Variants in GDA observed in about 807,000 individuals in gnomAD.
GDA encodes the protein guanine deaminase.
GDA carries 18 observed loss-of-function variants against 59.6 expected under a neutral mutation model. The observed-to-expected ratio is 0.30, with a 90% confidence interval of 0.21 to 0.45. GDA has a LOEUF of 0.45. GDA is among the 20% of genes least tolerant of loss of function. The pLI, the probability that GDA is intolerant of heterozygous loss-of-function variation, is 1.00. For missense variants in GDA, 427 were observed against 552.3 expected (o/e 0.77, Z 2.27); for synonymous variants, 201 against 201.1 (o/e 1.00, Z 0.00).
At chr9:72,246,293 G>A (rs180946522) in intron 12 of GDA, among the ~76,000 whole-genome samples, 44 of 152,146 alleles carry the variant, frequency 2.9e-4, no homozygotes, top group Non-Finnish European at 4.3e-4. Flanking sequence ...GATTACAGGC[G>A]CCCACCACCA....
intron 1 of GDA, among the ~76,000 whole-genome samples, chr9:72,133,261 G>T (rs1826088076): frequency 7.5e-6 from 1 of 132,540 alleles, no homozygotes; most frequent in South Asian, 2.4e-4. Flanking sequence ...CTGCACTCCA[G>T]CCAGGTGACA....
intron 1 of GDA, among the ~76,000 whole-genome samples, chr9:72,151,019 C>T (rs1827139955): frequency 6.6e-6 from 1 of 152,158 alleles, no homozygotes; most frequent in African/African-American, 2.4e-5. Context: ...AGCTGTTCAA[C>T]TCTTGGGTTT....
intron 9 of GDA, chr9:72,228,759 G>C (rs1420058119): frequency 2.0e-5 from 3 of 152,210 alleles, no homozygotes; most frequent in Non-Finnish European, 2.9e-5. Flanking sequence ...ATGGTGGCAG[G>C]CACCTGTAAT....
At chr9:72,116,531 C>T (rs149640059) in intron 1 of GDA, among the ~76,000 whole-genome samples, 137 of 151,730 alleles carry the variant, frequency 9.0e-4, no homozygotes, top group African/African-American at 3.0e-3. Flanking sequence ...TACAGGTGTG[C>T]GCCACCATGC....
At chr9:72,222,934 C>T (rs186467643) in intron 6 of GDA, among the ~76,000 whole-genome samples, 186 bp from the exon 7 acceptor site, 10 of 152,208 alleles carry the variant, frequency 6.6e-5, no homozygotes, top group East Asian at 1.9e-4. Flanking sequence ...CTCGAACTCC[C>T]GGCCCTCAGG....
chr9:72,259,746 C>T (rs1723821981), downstream of GDA, among the ~76,000 whole-genome samples: 2 of 152,136 alleles, frequency 1.3e-5, no homozygotes, highest in African/African-American at 4.8e-5. Flanking sequence ...AGATTTTCTG[C>T]TCAGGTTGAA....
chr9:72,241,304 G>C lies in GDA; in HGVS notation c.1135+6G>C. 6.3e-7 allele frequency: 1 copy of C among 1,587,260 alleles called. No homozygotes were observed. The highest frequency in any genetic ancestry group is 1.1e-5 in the South Asian group (1 of 88,946). On this transcript the variant is annotated splice_donor_region_variant and intron_variant, in intron 11 of 13. Transcript: ENST00000358399. ...TACTCTTGGAGGAAGCCAAGGTAATGACTCTTACATTTTTCTCTCACACAA... is the reference window on the plus strand; with the variant it reads ...TACTCTTGGAGGAAGCCAAGGTAATCACTCTTACATTTTTCTCTCACACAA...
intron 3 of GDA, among the ~76,000 whole-genome samples, chr9:72,203,885 C>T (rs547461840): frequency 2.6e-5 from 4 of 151,842 alleles, no homozygotes; most frequent in South Asian, 2.1e-4. Flanking sequence ...GGCATGATCT[C>T]GGCTCACTGC....
downstream of GDA, among the ~76,000 whole-genome samples, chr9:72,259,280 C>G (rs1564237531): frequency 6.6e-6 from 1 of 152,192 alleles, no homozygotes; most frequent in Non-Finnish European, 1.5e-5. Context: ...ACCTCGGCCT[C>G]CCAAAGTGCT....
Position 72,249,278 on chromosome 9 carries a change from A to G in GDA, c.*936A>G. ...CGCCAATACTAACAGGACAGGTTCC[A>G]TTGCCATGGCCTATTCCACCCAAAC... On this transcript the variant is annotated 3_prime_UTR_variant, in exon 14 of 14. Transcript: ENST00000358399. 1.0e-6 allele frequency: 1 copy of G among 985,410 alleles called. No homozygotes were observed. Among genetic ancestry groups the G allele is most frequent in the Non-Finnish European group, 1.2e-6 (1 of 829,910 alleles). 61.0% of individuals were successfully genotyped at this position (985,410 alleles called of 1,614,324 possible).
Position 72,249,133 on chromosome 9 carries a change from CTT to C in GDA, c.*792_*793del. 1 of 978,942 alleles carries C rather than the reference CTT, an allele frequency of 1.0e-6. No individual in the cohort carries two copies. Among genetic ancestry groups the C allele is most frequent in the Non-Finnish European group, 1.2e-6 (1 of 823,804 alleles). 60.6% of individuals were successfully genotyped at this position (978,942 alleles called of 1,614,324 possible). ...GTATTTTTGTGTACTTTAAAATCAA[CTT>C]ATAACTGTGAGATGTTATTGCTTCC... On this transcript the variant is annotated 3_prime_UTR_variant, in exon 14 of 14. Coordinates refer to ENST00000358399, the MANE Select transcript of GDA (RefSeq NM_004293.5).
rs183462646 is a variant in GDA at position 72,149,766 on chromosome 9, G to T, written c.123+84G>T. The T allele has an allele frequency of 7.5e-5, 104 of 1,386,436 alleles. No homozygotes were observed. In the South Asian group the frequency reaches 1.5e-3, roughly 19 times the overall value. The allele number at this position is 1,386,436 out of a possible 1,614,324, so 85.9% of individuals were successfully genotyped here. On this transcript the variant is annotated intron_variant, in intron 1 of 13. Transcript: ENST00000358399. ...TGGCGCGGTGCTTCGCGTAGCCCGG[G>T]GTTCGCTCGGTGCGCAGTGAGCGCC... is the stretch of plus-strand genomic sequence containing the variant.
chr9:72,206,228 T>G (rs1834681677), intron 3 of GDA, among the ~76,000 whole-genome samples: 1 of 152,200 alleles, frequency 6.6e-6, no homozygotes. Context: ...GAGATGAAGT[T>G]GTTAAAAGTC....
intron 4 of GDA, among the ~76,000 whole-genome samples, chr9:72,212,286 T>C (rs1033694386): frequency 6.6e-6 from 1 of 152,032 alleles, no homozygotes; most frequent in African/African-American, 2.4e-5. Context: ...ATTGAGACCA[T>C]CCTGGCTAAC....
At position 72,213,999 on chromosome 9, in the gene GDA, G is replaced by A. The variant is rs370708527; in HGVS notation, c.578+8G>A. ...GATCAAGGAAACTGAGAGGTAAAAG[G>A]CCCATTTGTCTTGATTTGTCTTACA... On this transcript the variant is annotated splice_region_variant and intron_variant, in intron 5 of 13. Transcript: ENST00000358399. The A allele has an allele frequency of 3.4e-5, 49 of 1,433,768 alleles. No homozygotes were observed. The African/African-American group carries it at 5.5e-4, about 16-fold the overall frequency. The allele number at this position is 1,433,768 out of a possible 1,614,324, so 88.8% of individuals were successfully genotyped here. A position where few individuals can be genotyped will look rare whatever the true frequency, so the allele number is the denominator to read the frequency against.
At chr9:72,219,885 C>CAAAA (rs535537371) in intron 6 of GDA, among the ~76,000 whole-genome samples, 6 of 152,116 alleles carry the variant, frequency 3.9e-5, no homozygotes, top group Non-Finnish European at 7.3e-5. Flanking sequence ...TACCCTTTGA[C>CAAAA]CATCATCTCC....
intron 10 of GDA, among the ~76,000 whole-genome samples, chr9:72,238,719 C>T (rs982714547): frequency 1.3e-5 from 2 of 152,128 alleles, no homozygotes; most frequent in Non-Finnish European, 2.9e-5. Flanking sequence ...AGTAATGATA[C>T]CATCTTCATT....
chr9:72,119,320 C>A (rs1025832752), intron 1 of GDA, among the ~76,000 whole-genome samples: 1 of 152,134 alleles, frequency 6.6e-6, no homozygotes, highest in African/African-American at 2.4e-5. Context: ...GCCTGGCCAA[C>A]ATGGCAAAAC....
chr9:72,243,033 T>C (rs1407867353), intron 11 of GDA, among the ~76,000 whole-genome samples: 1 of 152,204 alleles, frequency 6.6e-6, no homozygotes, highest in East Asian at 1.9e-4. Context: ...TTCTTTTCCT[T>C]AGTTTGTTTC....
Sources: gnomAD v4.1 joint callset for allele counts (sites outside exome capture counted in the v4.1 genomes callset) on GRCh38, gnomAD v4.1.1 for gene constraint, MANE v1.5 for transcripts, NCBI Gene and HGNC (gene_info 2026-07-23, HGNC 2026-07-21) for gene names.